ZEB2: variants seen among roughly 807,000 people sequenced by gnomAD.
ZEB2 encodes the protein zinc finger E-box-binding homeobox 2.
ZEB2 carries 6 observed loss-of-function variants against 99.9 expected under a neutral mutation model. That is an observed-to-expected ratio of 0.06 (90% CI 0.03 to 0.12). The LOEUF is 0.12. Ranked by LOEUF, ZEB2 falls within the 10% of genes least tolerant of loss-of-function variation. The pLI, the probability that ZEB2 is intolerant of heterozygous loss-of-function variation, is 1.00. For synonymous variants in ZEB2, 517 were observed against 542.5 expected (o/e 0.95, Z 0.65); for missense variants, 969 against 1,502.8 (o/e 0.64, Z 5.87).
At chr2:144,510,508 T>A (rs1216444603) in intron 2 of ZEB2, among the ~76,000 whole-genome samples, 1 of 152,160 alleles carries the variant, frequency 6.6e-6, no homozygotes, top group Non-Finnish European at 1.5e-5. Flanking sequence ...CTGACACTTT[T>A]TACCTCAAGT....
At chr2:144,413,243 G>A (rs1341407113) in intron 4 of ZEB2, among the ~76,000 whole-genome samples, 1 of 152,192 alleles carries the variant, frequency 6.6e-6, no homozygotes, top group Non-Finnish European at 1.5e-5. Context: ...TATTTTGGAA[G>A]TGCCTGGAAA....
At chr2:144,451,252 TA>T (rs1704051121) in intron 2 of ZEB2, among the ~76,000 whole-genome samples, 1 of 152,212 alleles carries the variant, frequency 6.6e-6, no homozygotes, top group Non-Finnish European at 1.5e-5. Flanking sequence ...TAAATCTACT[TA>T]GGAAGTAAAA....
chr2:144,411,123 T>TACAC (rs3073686), intron 4 of ZEB2, among the ~76,000 whole-genome samples: 1,239 of 117,562 alleles, frequency 0.011, 45 homozygotes, highest in African/African-American at 0.034. Flanking sequence ...ATCTCATATA[T>TACAC]ACACACACAC....
At chr2:144,456,088 G>A (rs1704118318) in intron 2 of ZEB2, among the ~76,000 whole-genome samples, 1 of 151,802 alleles carries the variant, frequency 6.6e-6, no homozygotes, top group Non-Finnish European at 1.5e-5. Context: ...CTAAGACTAA[G>A]ACTAAATCCA....
Position 144,437,737 on chromosome 2 carries a change from G to A in ZEB2, c.74-7711C>T, listed in dbSNP as rs1487534054. Among the ~76,000 whole-genome samples the A allele has an allele frequency of 2.6e-5, 4 of 152,094 alleles. No individual in the cohort carries two copies. In the South Asian group the frequency reaches 6.2e-4, roughly 24 times the overall value. On this transcript the variant is annotated intron_variant, in intron 2 of 9. Transcript: ENST00000627532. ...CTTGGAAATAAAACCTTGAATAAAC[G>A]GAATATAAAGAAAGGGGAAATGTGT...
chr2:144,432,996 A>G (rs1703793252), intron 2 of ZEB2, among the ~76,000 whole-genome samples: 1 of 152,192 alleles, frequency 6.6e-6, no homozygotes, highest in African/African-American at 2.4e-5. Flanking sequence ...GCAAAGTTCT[A>G]TTCAGTCCTT....
chr2:144,389,752 C>T lies in ZEB2; in HGVS notation c.3344G>A (p.Ser1115Asn). Residue 1115 changes from serine (S) to asparagine (N), a missense_variant, in exon 10 of 10, where the codon AGC (serine) becomes AAC (asparagine). Ser to Asn is a conservative substitution (Grantham distance 46, BLOSUM62 1). This residue lies in a region of ZEB2 where 121 missense variants were observed against 166.4 expected (regional missense o/e 0.73). Coordinates refer to ENST00000627532, the MANE Select transcript of ZEB2 (RefSeq NM_014795.4). This position sits in a 1 kb window ranked among gnomAD's most constrained non-coding sequence, Gnocchi z 6.8. The stretch of plus-strand genomic sequence containing the variant: ...GTCAGAGTACCCCTGAGGGGTAATG[C>T]TCTGCAAGTAAGCCCGGTTCATCAG... Reference protein sequence around the residue: ...ELLMNRAYLQSITPQGYSDSE... With the variant: ...ELLMNRAYLQNITPQGYSDSE... 6.2e-7 allele frequency: 1 copy of T among 1,609,560 alleles called. No homozygotes were observed. The highest frequency in any genetic ancestry group is 1.7e-4 in the Middle Eastern group (1 of 6,040).
intron 2 of ZEB2, among the ~76,000 whole-genome samples, chr2:144,458,347 G>A (rs1031871790): frequency 2.0e-5 from 3 of 152,054 alleles, no homozygotes; most frequent in Admixed American, 6.6e-5. Flanking sequence ...AATCGGAAAT[G>A]CCCCCCAGTC....
intron 2 of ZEB2, among the ~76,000 whole-genome samples, chr2:144,440,723 T>C (rs11687562): frequency 0.96 from 146,078 of 151,444 alleles, 70,704 homozygotes; most frequent in East Asian, 1. Flanking sequence ...ACCCTTTAAA[T>C]TTTTAGTTGA....
chr2:144,468,719 C>T (rs964821071), intron 2 of ZEB2, among the ~76,000 whole-genome samples: 4 of 152,004 alleles, frequency 2.6e-5, no homozygotes, highest in Non-Finnish European at 4.4e-5. Flanking sequence ...CTTAAAGTGG[C>T]TTTGAGGCAT....
At chr2:144,421,771 G>C (rs918941440) in intron 4 of ZEB2, among the ~76,000 whole-genome samples, 6 of 151,000 alleles carry the variant, frequency 4.0e-5, no homozygotes, top group African/African-American at 1.5e-4. Context: ...AAATCTCATA[G>C]TCCTGTGTGA....
At position 144,513,684 on chromosome 2, in the gene ZEB2, G is replaced by A. The variant is rs939957365; in HGVS notation, c.73+3594C>T. ...GGGAAGCAGGAGCATCCCAGGACCCGCTGCCCGAATCAGGGGCAAAAGCAA... is the reference window on the plus strand; with the variant it reads ...GGGAAGCAGGAGCATCCCAGGACCCACTGCCCGAATCAGGGGCAAAAGCAA... On this transcript the variant is annotated intron_variant, in intron 2 of 9. Coordinates refer to ENST00000627532, the MANE Select transcript of ZEB2 (RefSeq NM_014795.4). 3.3e-6 allele frequency: 5 copies of A among 1,535,316 alleles called. No homozygotes were observed. In the South Asian group the frequency reaches 3.6e-5, roughly 11 times the overall value.
At chr2:144,511,890 T>G in intron 2 of ZEB2, 1 of 1,287,248 alleles carries the variant, frequency 7.8e-7, no homozygotes, top group Non-Finnish European at 1.0e-6. Flanking sequence ...ACATCTTGGC[T>G]AAAAAGCATA....
intron 4 of ZEB2, among the ~76,000 whole-genome samples, chr2:144,412,651 C>A (rs978011009): frequency 6.6e-6 from 1 of 152,228 alleles, no homozygotes; most frequent in Non-Finnish European, 1.5e-5. Context: ...CAAATTCAAT[C>A]CTCTGCCTCG....
intron 2 of ZEB2, among the ~76,000 whole-genome samples, chr2:144,487,039 T>C (rs1292948665): frequency 5.9e-5 from 9 of 152,196 alleles, no homozygotes; most frequent in Admixed American, 5.9e-4. Flanking sequence ...GCATATAAAC[T>C]TCCGTGATCA....
intron 2 of ZEB2, among the ~76,000 whole-genome samples, chr2:144,465,069 T>A (rs933787007): frequency 2.6e-5 from 4 of 152,194 alleles, no homozygotes; most frequent in African/African-American, 9.7e-5. Context: ...CTAATTTGGC[T>A]TTGGCAATGG....
chr2:144,446,503 G>T (rs1703986575), intron 2 of ZEB2, among the ~76,000 whole-genome samples: 1 of 151,898 alleles, frequency 6.6e-6, no homozygotes, highest in Non-Finnish European at 1.5e-5. Flanking sequence ...TCATCTTCAG[G>T]ACTCCATTTT....
rs1237277297 is a variant in ZEB2 at position 144,419,501 on chromosome 2, T to C, written c.403+5295A>G. On this transcript the variant is annotated intron_variant, in intron 4 of 9. Coordinates refer to ENST00000627532, the MANE Select transcript of ZEB2 (RefSeq NM_014795.4). ...CAAAGAGTAAAACATCAGGGCCCTA[T>C]TTGGATATTGATATGCACGTGGAAC... is the stretch of plus-strand genomic sequence containing the variant. Among the ~76,000 whole-genome samples, 13 of 152,166 alleles carry C rather than the reference T, an allele frequency of 8.5e-5. 1 individual carries two copies. Among genetic ancestry groups the C allele is most frequent in the Admixed American group, 8.5e-4 (13 of 15,280 alleles).
At chr2:144,514,849 T>C (rs1490145341) in intron 2 of ZEB2, among the ~76,000 whole-genome samples, 8 of 152,262 alleles carry the variant, frequency 5.3e-5, no homozygotes. Context: ...GCAATTCAAC[T>C]TTCCACTTCT....
Sources: allele counts gnomAD v4.1 joint callset (sites outside exome capture counted in the v4.1 genomes callset), GRCh38; gene constraint gnomAD v4.1.1; regional missense constraint gnomAD v4.1.1; non-coding constraint Gnocchi (gnomAD v3.1); transcripts MANE v1.5; gene names NCBI Gene and HGNC (gene_info 2026-07-23, HGNC 2026-07-21).